SGCZ: variants seen among roughly 807,000 people sequenced by gnomAD.
The protein encoded by SGCZ is zeta-sarcoglycan.
Under a neutral mutation model 41.3 loss-of-function variants are expected in SGCZ, and 40 were observed. That is an observed-to-expected ratio of 0.97 (90% CI 0.75 to 1.26). The LOEUF (loss-of-function observed/expected upper bound fraction) is 1.26, where lower values mean the gene tolerates loss of function less well. Among genes scored for constraint, SGCZ ranks in the 50% most tolerant of loss-of-function variants. SGCZ has a pLI of 0.00. For missense variants in SGCZ, 552 were observed against 369.8 expected (o/e 1.49, Z -4.04); for synonymous variants, 206 against 137.5 (o/e 1.50, Z -3.49).
intron 1 of SGCZ, among the ~76,000 whole-genome samples, chr8:15,135,461 T>A (rs978006019): frequency 6.6e-5 from 10 of 152,262 alleles, no homozygotes; most frequent in Non-Finnish European, 1.5e-4. Context: ...GAAAACAAAG[T>A]CACCTTGTCA....
chr8:15,209,534 T>A (rs1801174513), intron 1 of SGCZ, among the ~76,000 whole-genome samples: 1 of 57,154 alleles, frequency 1.7e-5, no homozygotes, highest in Non-Finnish European at 4.1e-5. Flanking sequence ...AATACCTAAG[T>A]ATAAAAAGAA....
chr8:15,132,077 A>C (rs1472097569), intron 1 of SGCZ, among the ~76,000 whole-genome samples: 1 of 152,182 alleles, frequency 6.6e-6, no homozygotes, highest in Non-Finnish European at 1.5e-5. Context: ...AGCCCCTGGA[A>C]ATTGTTCATT....
intron 2 of SGCZ, among the ~76,000 whole-genome samples, chr8:14,524,365 T>C (rs1802878138): frequency 6.6e-6 from 1 of 151,998 alleles, no homozygotes; most frequent in Non-Finnish European, 1.5e-5. Flanking sequence ...TGGGGGAATC[T>C]ACGTCCACAC....
chr8:15,053,250 T>G (rs1804582096), intron 1 of SGCZ, among the ~76,000 whole-genome samples: 1 of 152,194 alleles, frequency 6.6e-6, no homozygotes, highest in Admixed American at 6.5e-5. Flanking sequence ...TTTGTCTTTC[T>G]TCCTGCTTCC....
chr8:14,836,969 T>G (rs1802721732), intron 1 of SGCZ, among the ~76,000 whole-genome samples: 1 of 152,232 alleles, frequency 6.6e-6, no homozygotes, highest in East Asian at 1.9e-4. Flanking sequence ...TTTCTGAGAC[T>G]ATATAAACCT....
chr8:14,691,643 A>G (rs971829168), intron 1 of SGCZ, among the ~76,000 whole-genome samples: 4 of 152,076 alleles, frequency 2.6e-5, no homozygotes, highest in African/African-American at 7.2e-5. Context: ...TTTGACTCAT[A>G]TAGTAGAAAT....
At chr8:14,716,849 G>A (rs992104089) in intron 1 of SGCZ, among the ~76,000 whole-genome samples, 6 of 151,956 alleles carry the variant, frequency 3.9e-5, no homozygotes, top group Admixed American at 3.9e-4. Flanking sequence ...TATATTTATA[G>A]CCCATGCTAT....
chr8:14,446,718 C>A (rs1800442372), intron 2 of SGCZ, among the ~76,000 whole-genome samples: 2 of 152,226 alleles, frequency 1.3e-5, no homozygotes, highest in African/African-American at 2.4e-5. Context: ...GCTCACCTTT[C>A]CATTTGCATT....
intron 2 of SGCZ, among the ~76,000 whole-genome samples, chr8:14,474,705 C>G (rs745973981): frequency 2.2e-4 from 33 of 152,268 alleles, no homozygotes; most frequent in Middle Eastern, 3.4e-3. Context: ...AAACCATACT[C>G]AAAAACTAAA....
At chr8:14,564,789 T>C (rs1804309283) in intron 1 of SGCZ, among the ~76,000 whole-genome samples, 1 of 152,028 alleles carries the variant, frequency 6.6e-6, no homozygotes, top group South Asian at 2.1e-4. Flanking sequence ...ACAAAATGAG[T>C]CTCTAAACAG....
chr8:14,726,314 ATATATATAT>A (rs1563228519), intron 1 of SGCZ, among the ~76,000 whole-genome samples: 2 of 125,972 alleles, frequency 1.6e-5, no homozygotes, highest in African/African-American at 3.5e-5. Context: ...GTAAATACAT[ATATATATAT>A]CTATATATAT....
intron 5 of SGCZ, among the ~76,000 whole-genome samples, chr8:14,130,468 C>A (rs1376959720): frequency 6.8e-6 from 1 of 148,010 alleles, no homozygotes; most frequent in South Asian, 2.2e-4. Context: ...GGGTTCCTGC[C>A]ATGTTTATTC....
chr8:15,111,848 C>T lies in SGCZ; in HGVS notation c.39+125737G>A, dbSNP rs140810371. On this transcript the variant is annotated intron_variant, in intron 1 of 7. Transcript: ENST00000382080. ...CAGGGAGTCAGAGGTAGCAGTGAGCCGAGATTACACCACCGCACTCCAGCC... is the reference window on the plus strand; with the variant it reads ...CAGGGAGTCAGAGGTAGCAGTGAGCTGAGATTACACCACCGCACTCCAGCC... Among the ~76,000 whole-genome samples the T allele has an allele frequency of 9.1e-3, 1,373 of 150,458 alleles. 8 individuals carry two copies. Among genetic ancestry groups the T allele is most frequent in the Admixed American group, 0.017 (252 of 15,132 alleles).
At chr8:14,901,152 G>A (rs1388145795) in intron 1 of SGCZ, among the ~76,000 whole-genome samples, 3 of 152,212 alleles carry the variant, frequency 2.0e-5, no homozygotes, top group Non-Finnish European at 4.4e-5. Flanking sequence ...CATATGGACT[G>A]TAAAATCTCA....
chr8:15,220,474 G>A (rs1335433034), intron 1 of SGCZ, among the ~76,000 whole-genome samples: 1 of 151,982 alleles, frequency 6.6e-6, no homozygotes, highest in Non-Finnish European at 1.5e-5. Context: ...TAACTGCTTG[G>A]GCAATTCTGA....
intron 4 of SGCZ, among the ~76,000 whole-genome samples, chr8:14,185,119 C>T (rs1804860143): frequency 2.0e-5 from 3 of 152,076 alleles, no homozygotes; most frequent in African/African-American, 7.2e-5. Flanking sequence ...ATCTGGCTTT[C>T]ACCCAGGCAC....
At chr8:15,187,539 A>C in intron 1 of SGCZ, among the ~76,000 whole-genome samples, 1 of 152,036 alleles carries the variant, frequency 6.6e-6, no homozygotes, top group Non-Finnish European at 1.5e-5. Context: ...GCATGAGTTA[A>C]TTTATTGTAA....
chr8:15,090,208 T>C (rs1275951975), intron 1 of SGCZ, among the ~76,000 whole-genome samples: 1 of 152,182 alleles, frequency 6.6e-6, no homozygotes, highest in Non-Finnish European at 1.5e-5. Flanking sequence ...TCTGTTACAA[T>C]TTTCCCATTT....
intron 1 of SGCZ, among the ~76,000 whole-genome samples, chr8:14,598,328 A>G (rs1805480088): frequency 6.6e-6 from 1 of 151,978 alleles, no homozygotes; most frequent in African/African-American, 2.4e-5. Context: ...GTCGTTGTAT[A>G]CATTCTTTAT....
Sources: gnomAD v4.1 joint callset for allele counts (sites outside exome capture counted in the v4.1 genomes callset) on GRCh38, gnomAD v4.1.1 for gene constraint, MANE v1.5 for transcripts, NCBI Gene and HGNC (gene_info 2026-07-23, HGNC 2026-07-21) for gene names.